PDZRN4: variants seen among roughly 807,000 people sequenced by gnomAD.
The protein encoded by PDZRN4 is PDZ domain containing ring finger 4.
Under a neutral mutation model 99.0 loss-of-function variants are expected in PDZRN4, and 70 were observed. The ratio of observed to expected loss-of-function variants is 0.71; its 90% CI spans 0.58 to 0.86. PDZRN4 has a LOEUF of 0.86. Among genes scored for constraint, PDZRN4 ranks in the 40% least tolerant of loss-of-function variants. The probability of loss-of-function intolerance (pLI) is 0.00; values close to 1 mark genes in which losing one functional copy is unlikely to be tolerated. For missense variants in PDZRN4, 1,474 were observed against 1,331.2 expected (o/e 1.11, Z -1.67); for synonymous variants, 551 against 501.6 (o/e 1.10, Z -1.32).
chr12:41,316,490 GTGTGTA>G (rs1263152388), intron 3 of PDZRN4, among the ~76,000 whole-genome samples: 1 of 148,198 alleles, frequency 6.7e-6, no homozygotes, highest in Non-Finnish European at 1.5e-5. Flanking sequence ...GTGTGTGTGT[GTGTGTA>G]TAAAATAAAA....
intron 3 of PDZRN4, among the ~76,000 whole-genome samples, chr12:41,446,721 A>G (rs1260328901): frequency 6.6e-6 from 1 of 152,062 alleles, no homozygotes; most frequent in Non-Finnish European, 1.5e-5. Flanking sequence ...GTGGAAAGGT[A>G]TGACCTTAGT....
rs779174653 is a variant in PDZRN4, at chr12:41,191,544, G to A, written c.735G>A (p.Gln245=). 1.4e-6 allele frequency: 2 copies of A among 1,409,274 alleles called. No homozygotes were observed. The highest frequency in any genetic ancestry group is 1.7e-5 in the Admixed American group (1 of 58,910). The allele number at this position is 1,409,274 out of a possible 1,614,324, so 87.3% of individuals were successfully genotyped here. Reference sequence around the variant, plus strand: ...ATATTATAGGAGGTCGACCAAATCAGGTAAAACACCTTGTTAATGCATTAC... The same window carrying A: ...ATATTATAGGAGGTCGACCAAATCAAGTAAAACACCTTGTTAATGCATTAC... ...GFNIIGGRPN[Q]NNQEGTSTEG... The change falls in exon 2 of 10, where the codon CAG becomes CAA. Residue 245 remains glutamine (Q), a splice_region_variant and synonymous_variant. Coordinates refer to ENST00000402685, the MANE Select transcript of PDZRN4 (RefSeq NM_001164595.2).
At chr12:41,491,486 C>T (rs946068307) in intron 3 of PDZRN4, among the ~76,000 whole-genome samples, 1 of 152,102 alleles carries the variant, frequency 6.6e-6, no homozygotes, top group African/African-American at 2.4e-5. Flanking sequence ...CATGCCACTG[C>T]ACTCCAGCCT....
At chr12:41,534,655 T>G (rs1938719811) in intron 5 of PDZRN4, among the ~76,000 whole-genome samples, 1 of 152,198 alleles carries the variant, frequency 6.6e-6, no homozygotes, top group African/African-American at 2.4e-5. Context: ...GCAAAATACT[T>G]AGGTTTTTTG....
intron 5 of PDZRN4, among the ~76,000 whole-genome samples, chr12:41,542,400 A>G (rs1245289866): frequency 6.6e-6 from 1 of 152,138 alleles, no homozygotes; most frequent in African/African-American, 2.4e-5. Context: ...GATCTTTTCA[A>G]CTCAAGCCTT....
chr12:41,325,763 C>T (rs1356612616), intron 3 of PDZRN4, among the ~76,000 whole-genome samples: 4 of 150,862 alleles, frequency 2.7e-5, no homozygotes, highest in Admixed American at 2.6e-4. Context: ...TTAAAAAACA[C>T]ATTTATTTTA....
chr12:41,516,494 T>C (rs1938402871), intron 5 of PDZRN4, among the ~76,000 whole-genome samples: 1 of 152,132 alleles, frequency 6.6e-6, no homozygotes, highest in Non-Finnish European at 1.5e-5. Flanking sequence ...AAAGTCTTTT[T>C]TCATAGGATA....
intron 3 of PDZRN4, among the ~76,000 whole-genome samples, chr12:41,303,557 AC>A (rs1951551007): frequency 6.6e-6 from 1 of 152,230 alleles, no homozygotes; most frequent in South Asian, 2.1e-4. Context: ...TTAGGTTTCC[AC>A]AAGACTTCAT....
intron 3 of PDZRN4, among the ~76,000 whole-genome samples, chr12:41,486,093 A>C (rs1168268925): frequency 1.3e-5 from 2 of 152,170 alleles, no homozygotes; most frequent in Non-Finnish European, 2.9e-5. Flanking sequence ...ATAGTTCTAC[A>C]TATTTTTTAA....
At chr12:41,447,226 A>G (rs1432303972) in intron 3 of PDZRN4, among the ~76,000 whole-genome samples, 1 of 152,118 alleles carries the variant, frequency 6.6e-6, no homozygotes, top group Non-Finnish European at 1.5e-5. Flanking sequence ...AGATTTTGCC[A>G]TTTGCTCAAG....
At chr12:41,189,531 C>T (rs1310611732) in intron 1 of PDZRN4, among the ~76,000 whole-genome samples, 1 of 152,174 alleles carries the variant, frequency 6.6e-6, no homozygotes, top group Non-Finnish European at 1.5e-5. Context: ...TCTCCCGCGG[C>T]CACCAGCATC....
intron 5 of PDZRN4, among the ~76,000 whole-genome samples, chr12:41,529,229 TTG>T (rs71081749): frequency 9.4e-4 from 141 of 149,766 alleles, no homozygotes; most frequent in African/African-American, 2.1e-3. Context: ...GTGTGTGTGT[TTG>T]TGTGTGTGTG....
At chr12:41,351,102 A>C (rs10880055) in intron 3 of PDZRN4, among the ~76,000 whole-genome samples, 58,586 of 151,958 alleles carry the variant, frequency 0.39, 11,391 homozygotes, top group African/African-American at 0.41. Context: ...ATTTTTAACC[A>C]AAAGTCAATG....
chr12:41,508,457 A>G (rs898684660), intron 4 of PDZRN4, among the ~76,000 whole-genome samples: 1 of 152,194 alleles, frequency 6.6e-6, no homozygotes, highest in Non-Finnish European at 1.5e-5. Flanking sequence ...GATTTTGTAA[A>G]CCAACATATT....
At chr12:41,549,360 T>A (rs905706892) in intron 5 of PDZRN4, among the ~76,000 whole-genome samples, 11 of 152,224 alleles carry the variant, frequency 7.2e-5, no homozygotes, top group Admixed American at 5.9e-4. Context: ...TCCTTTCAGA[T>A]AATCAAAGTC....
chr12:41,201,702 G>A (rs1950817084), intron 3 of PDZRN4, among the ~76,000 whole-genome samples: 1 of 152,150 alleles, frequency 6.6e-6, no homozygotes. Context: ...AGGCTCTCCT[G>A]TAACATCCGA....
chr12:41,435,840 A>C (rs1464881927), intron 3 of PDZRN4, among the ~76,000 whole-genome samples: 1 of 152,216 alleles, frequency 6.6e-6, no homozygotes, highest in Non-Finnish European at 1.5e-5. Context: ...TCTGAGAATC[A>C]ATAATTCTTC....
intron 3 of PDZRN4, among the ~76,000 whole-genome samples, chr12:41,216,068 G>A (rs1174437162): frequency 6.6e-6 from 1 of 151,660 alleles, no homozygotes; most frequent in East Asian, 1.9e-4. Context: ...TCAGAACTCT[G>A]GTCTCAGTGA....
intron 3 of PDZRN4, among the ~76,000 whole-genome samples, chr12:41,262,439 TTG>T (rs1213846632): frequency 1.3e-5 from 2 of 152,186 alleles, no homozygotes. Context: ...AAGTCAAGGT[TTG>T]TGATTTTTAG....
Sources: allele counts gnomAD v4.1 joint callset (sites outside exome capture counted in the v4.1 genomes callset), GRCh38; gene constraint gnomAD v4.1.1; transcripts MANE v1.5; gene names NCBI Gene and HGNC (gene_info 2026-07-23, HGNC 2026-07-21).